Variants in FEZ2 observed in about 807,000 individuals in gnomAD.
The protein encoded by FEZ2 is fasciculation and elongation protein zeta-2.
A neutral mutation model predicts 40.4 loss-of-function variants in FEZ2; 51 were observed. The ratio of observed to expected loss-of-function variants is 1.26; its 90% CI spans 1.01 to 1.59. The LOEUF (loss-of-function observed/expected upper bound fraction) is 1.59, where lower values mean the gene tolerates loss of function less well. Ranked by LOEUF, FEZ2 falls within the 40% of genes most tolerant of loss-of-function variation. FEZ2 has a pLI of 0.00. For synonymous variants in FEZ2, 242 were observed against 172.0 expected (o/e 1.41, Z -3.18); for missense variants, 640 against 438.3 (o/e 1.46, Z -4.11).
rs985904246 is a variant in FEZ2 at position 36,583,428 on chromosome 2, C to T, written c.417G>A (p.Glu139=). ...AGTGCATATCCAGCTGTTCTCTCAG[C>T]TCTTCATCATCTGATGTATCAAAGA... ...SLLFDTSDDE[E]LREQLDMHSI... is the part of the protein sequence containing the mutation. Residue 139 remains glutamate (E), a synonymous_variant, in exon 3 of 8, where the codon GAG becomes GAA. Transcript: ENST00000405912. The T allele has an allele frequency of 1.2e-6, 2 of 1,608,752 alleles. No homozygotes were observed. Among genetic ancestry groups the T allele is most frequent in the African/African-American group, 1.3e-5 (1 of 74,830 alleles).
intron 2 of FEZ2, among the ~76,000 whole-genome samples, chr2:36,587,952 T>C (rs910473499): frequency 6.6e-6 from 1 of 152,204 alleles, no homozygotes; most frequent in Non-Finnish European, 1.5e-5. Flanking sequence ...ACCAGAATAG[T>C]CATGTCACAA....
intron 5 of FEZ2, among the ~76,000 whole-genome samples, chr2:36,564,135 G>T (rs757478691): frequency 6.6e-6 from 1 of 152,158 alleles, no homozygotes; most frequent in Non-Finnish European, 1.5e-5. Context: ...ACTGGCACAT[G>T]GCAAAGCTCA....
rs17038844 is a variant in FEZ2 at position 36,559,427 on chromosome 2, C to T, written c.904-914G>A. ...TTTAACCTCGTGCCCTAAATCTCAG[C>T]TCTGTGGCTAATCCTCACTGAGTGA... On this transcript the variant is annotated intron_variant, in intron 5 of 7. Coordinates refer to ENST00000405912, the MANE Select transcript of FEZ2 (RefSeq NM_005102.3). Among the ~76,000 whole-genome samples the T allele has an allele frequency of 1.0e-2, 1,518 of 152,316 alleles. 16 individuals are homozygous for T. Among genetic ancestry groups the T allele is most frequent in the African/African-American group, 0.035 (1,444 of 41,564 alleles).
In FEZ2 at chr2:36,553,050, C is replaced by G. The variant is rs1359139680; in HGVS notation, c.*113G>C. 2 of 844,840 alleles carry G rather than the reference C, an allele frequency of 2.4e-6. No homozygotes were observed. The highest frequency in any genetic ancestry group is 3.4e-5 in the African/African-American group (2 of 58,020). 52.3% of individuals were successfully genotyped at this position (844,840 alleles called of 1,614,324 possible). ...CAAGATCTGTTAATACTGAATCAAACCCAAGTTCAAATGTGCTGAGTTTCC... is the reference window on the plus strand; with the variant it reads ...CAAGATCTGTTAATACTGAATCAAAGCCAAGTTCAAATGTGCTGAGTTTCC... On this transcript the variant is annotated 3_prime_UTR_variant, in exon 8 of 8. Transcript: ENST00000405912.
chr2:36,594,426 C>A, intron 1 of FEZ2: 1 of 187,870 alleles, frequency 5.3e-6, no homozygotes, highest in Non-Finnish European at 1.1e-5. Flanking sequence ...TTCCACATGG[C>A]TGGGGAGGCC....
Position 36,597,836 on chromosome 2 carries a change from G to T in FEZ2, c.266+41C>A, listed in dbSNP as rs942594942. The T allele has an allele frequency of 7.6e-6, 10 of 1,316,758 alleles. No homozygotes were observed. The South Asian group carries it at 1.7e-4, about 23-fold the overall frequency. 81.6% of individuals were successfully genotyped at this position (1,316,758 alleles called of 1,614,324 possible). On this transcript the variant is annotated intron_variant, in intron 1 of 7. Coordinates refer to ENST00000405912, the MANE Select transcript of FEZ2 (RefSeq NM_005102.3). ...GGGCTGCCGGTCGGGCGAGGGGTAG[G>T]GGAGGCTCCCGCCCACTCCCGGCCG...
chr2:36,559,906 G>A (rs1668048796), intron 5 of FEZ2, among the ~76,000 whole-genome samples: 2 of 152,200 alleles, frequency 1.3e-5, no homozygotes, highest in African/African-American at 2.4e-5. Context: ...GTCAGTGTGA[G>A]GCTTCCCTCT....
At chr2:36,553,738 G>C (rs1207827594) in intron 7 of FEZ2, among the ~76,000 whole-genome samples, 1 of 152,074 alleles carries the variant, frequency 6.6e-6, no homozygotes, top group African/African-American at 2.4e-5. Flanking sequence ...TTTCACTTCT[G>C]ACATTTGCAT....
intron 5 of FEZ2, among the ~76,000 whole-genome samples, chr2:36,576,537 C>T (rs933500424): frequency 1.3e-5 from 2 of 152,168 alleles, no homozygotes; most frequent in African/African-American, 4.8e-5. Flanking sequence ...TCCCAAAGTG[C>T]TGGGATTACA....
At chr2:36,555,488 T>A (rs1667934143) in intron 7 of FEZ2, 195 bp downstream of exon 7, 1 of 388,222 alleles carries the variant, frequency 2.6e-6, no homozygotes. Flanking sequence ...GAACCTCCAA[T>A]AAAACTTAAA....
At chr2:36,571,039 T>A (rs915019269) in intron 5 of FEZ2, among the ~76,000 whole-genome samples, 1 of 152,208 alleles carries the variant, frequency 6.6e-6, no homozygotes, top group Non-Finnish European at 1.5e-5. Context: ...AAGTTCACTA[T>A]TACCAGCCTA....
chr2:36,560,622 GT>G (rs1212241241), intron 5 of FEZ2, among the ~76,000 whole-genome samples: 1 of 152,150 alleles, frequency 6.6e-6, no homozygotes, highest in Non-Finnish European at 1.5e-5. Context: ...GGGAAATTCT[GT>G]TCATTATCAA....
chr2:36,565,162 A>G (rs1273169132), intron 5 of FEZ2, among the ~76,000 whole-genome samples: 1 of 152,158 alleles, frequency 6.6e-6, no homozygotes, highest in African/African-American at 2.4e-5. Context: ...TCTGAAATTC[A>G]ACTATTTATA....
At chr2:36,587,796 TAAA>T (rs557810920) in intron 2 of FEZ2, among the ~76,000 whole-genome samples, 1 of 149,584 alleles carries the variant, frequency 6.7e-6, no homozygotes. Flanking sequence ...TTTGCCAGAT[TAAA>T]AAAAAAATGC....
chr2:36,574,459 T>A (rs577016787), intron 5 of FEZ2, among the ~76,000 whole-genome samples: 1 of 151,884 alleles, frequency 6.6e-6, no homozygotes, highest in African/African-American at 2.4e-5. Flanking sequence ...ATTAGGGACA[T>A]AAAACAGAGA....
chr2:36,583,492 T>C (rs766808762), intron 2 of FEZ2, 23 bp from the exon 3 acceptor site: 4 of 1,208,736 alleles, frequency 3.3e-6, no homozygotes, highest in South Asian at 1.2e-5. Flanking sequence ...ATACCCATCA[T>C]TAAAAGCAGG....
At chr2:36,573,413 T>C (rs958698223) in intron 5 of FEZ2, among the ~76,000 whole-genome samples, 3 of 152,238 alleles carry the variant, frequency 2.0e-5, no homozygotes, top group South Asian at 2.1e-4. Flanking sequence ...GAACTGCTAC[T>C]GAAATTCAAT....
Position 36,597,881 on chromosome 2 carries a change from C to A in FEZ2, c.262G>T (p.Asp88Tyr), listed in dbSNP as rs866381929. The change falls in exon 1 of 8, where the codon GAC becomes TAC. Residue 88 changes from aspartate (D) to tyrosine (Y), a missense_variant. Coordinates refer to ENST00000405912, the MANE Select transcript of FEZ2 (RefSeq NM_005102.3). Reference sequence around the variant, plus strand: ...CGGCCGGGGCCCCGCACTCACTCGTCCCCCTGCAGGAGGCTGCGCTCCGTG... The same window carrying A: ...CGGCCGGGGCCCCGCACTCACTCGTACCCCTGCAGGAGGCTGCGCTCCGTG... ...PITERSLLQG[D>Y]EIWNALTDNY... The A allele has an allele frequency of 1.8e-5, 25 of 1,369,006 alleles. No homozygotes were observed. The highest frequency in any genetic ancestry group is 2.3e-5 in the Non-Finnish European group (25 of 1,067,722). The allele number at this position is 1,369,006 out of a possible 1,614,324, so 84.8% of individuals were successfully genotyped here. A position where few individuals can be genotyped will look rare whatever the true frequency, so the allele number is the denominator to read the frequency against.
intron 5 of FEZ2, among the ~76,000 whole-genome samples, chr2:36,566,832 T>C (rs1668254475): frequency 6.6e-6 from 1 of 152,214 alleles, no homozygotes; most frequent in Non-Finnish European, 1.5e-5. Context: ...AAACAGATGA[T>C]TAAATCATAT....
Sources: gnomAD v4.1 joint callset for allele counts (sites outside exome capture counted in the v4.1 genomes callset) on GRCh38, gnomAD v4.1.1 for gene constraint, MANE v1.5 for transcripts, NCBI Gene and HGNC (gene_info 2026-07-23, HGNC 2026-07-21) for gene names.